Variants in KCTD16 observed in about 807,000 individuals in gnomAD.
KCTD16 encodes the protein BTB/POZ domain-containing protein KCTD16.
A neutral mutation model predicts 33.2 loss-of-function variants in KCTD16; 13 were observed. The ratio of observed to expected loss-of-function variants is 0.39; its 90% CI spans 0.25 to 0.62. KCTD16 has a LOEUF of 0.62. Among genes scored for constraint, KCTD16 ranks in the 20% least tolerant of loss-of-function variants. KCTD16 has a pLI of 0.50. For synonymous variants in KCTD16, 197 were observed against 195.3 expected (o/e 1.01, Z -0.07); for missense variants, 441 against 525.1 (o/e 0.84, Z 1.57).
chr5:144,330,823 G>A (rs945667762), intron 3 of KCTD16, among the ~76,000 whole-genome samples: 2 of 152,268 alleles, frequency 1.3e-5, no homozygotes, highest in Admixed American at 6.5e-5. Flanking sequence ...GTGTGATCCC[G>A]AAGCACACAG....
chr5:144,193,555 A>G (rs1752885608), intron 2 of KCTD16, among the ~76,000 whole-genome samples: 1 of 151,794 alleles, frequency 6.6e-6, no homozygotes, highest in African/African-American at 2.4e-5. Flanking sequence ...TATTTTATTC[A>G]TAGCTCATTT....
chr5:144,462,009 T>A (rs146109766), intron 3 of KCTD16, among the ~76,000 whole-genome samples: 1 of 152,222 alleles, frequency 6.6e-6, no homozygotes, highest in African/African-American at 2.4e-5. Context: ...TGTTTTCTTA[T>A]AATACTATTC....
intron 3 of KCTD16, among the ~76,000 whole-genome samples, chr5:144,299,104 A>ATATATATATATATATCACTATG (rs1756145346): frequency 1.1e-4 from 1 of 8,984 alleles, no homozygotes; most frequent in Admixed American, 1.3e-3. Context: ...ATGTATATAT[A>ATATATATATATATATCACTATG]TATATATATA....
chr5:144,301,099 G>A (rs926070690), intron 3 of KCTD16, among the ~76,000 whole-genome samples: 1 of 152,002 alleles, frequency 6.6e-6, no homozygotes, highest in African/African-American at 2.4e-5. Context: ...AAATTAGCTG[G>A]GTGTGGTGGT....
At chr5:144,347,947 C>T (rs1328557753) in intron 3 of KCTD16, among the ~76,000 whole-genome samples, 4 of 152,144 alleles carry the variant, frequency 2.6e-5, no homozygotes, top group Non-Finnish European at 5.9e-5. Context: ...GTCCTAGTGC[C>T]TCCAGCCGCA....
intron 3 of KCTD16, among the ~76,000 whole-genome samples, chr5:144,286,026 A>G (rs955849873): frequency 1.9e-4 from 29 of 148,756 alleles, no homozygotes; most frequent in African/African-American, 7.0e-4. Context: ...TATTTTTGGC[A>G]GGAAAGTTTT....
At chr5:144,257,931 GC>G (rs1390890268) in intron 3 of KCTD16, among the ~76,000 whole-genome samples, 2 of 152,066 alleles carry the variant, frequency 1.3e-5, no homozygotes, top group East Asian at 3.9e-4. Context: ...ATTGCCTGAA[GC>G]TTTTTCGATA....
At chr5:144,461,169 A>G (rs1048191672) in intron 3 of KCTD16, among the ~76,000 whole-genome samples, 6 of 152,204 alleles carry the variant, frequency 3.9e-5, no homozygotes, top group Admixed American at 3.9e-4. Flanking sequence ...GCTGCTCTAT[A>G]TAATTGCATG....
chr5:144,230,178 A>G (rs997543432), intron 3 of KCTD16, among the ~76,000 whole-genome samples: 12 of 152,174 alleles, frequency 7.9e-5, no homozygotes, highest in African/African-American at 2.4e-4. Context: ...AGTGCATTGC[A>G]CTGTTTAATG....
Position 144,477,537 on chromosome 5 carries a change from G to A in KCTD16, c.*3423G>A, listed in dbSNP as rs1754621094. 1 of 152,078 alleles carries A rather than the reference G, an allele frequency of 6.6e-6. No individual in the cohort carries two copies. Among genetic ancestry groups the A allele is most frequent in the Non-Finnish European group, 1.5e-5 (1 of 68,004 alleles). 9.4% of individuals were successfully genotyped at this position (152,078 alleles called of 1,614,324 possible). A position where few individuals can be genotyped will look rare whatever the true frequency, so the allele number is the denominator to read the frequency against. On this transcript the variant is annotated 3_prime_UTR_variant, in exon 4 of 4. Coordinates refer to ENST00000512467, the MANE Select transcript of KCTD16 (RefSeq NM_020768.4). The stretch of plus-strand genomic sequence containing the variant: ...AGAGGAATCTTTATCCATAGGCACA[G>A]GTGTGTTGCTTGTTCTGGGCCCCAT...
intron 3 of KCTD16, among the ~76,000 whole-genome samples, chr5:144,284,646 A>G (rs745363893): frequency 2.6e-5 from 4 of 152,206 alleles, no homozygotes; most frequent in Non-Finnish European, 5.9e-5. Flanking sequence ...GCTACCTGCT[A>G]TATTTTGTTA....
At chr5:144,280,749 C>T (rs1207413826) in intron 3 of KCTD16, among the ~76,000 whole-genome samples, 1 of 152,160 alleles carries the variant, frequency 6.6e-6, no homozygotes, top group Non-Finnish European at 1.5e-5. Context: ...ATGGTGAAAC[C>T]CCATCTCTAC....
chr5:144,463,035 CCT>C (rs1340848367), intron 3 of KCTD16, among the ~76,000 whole-genome samples: 2 of 152,026 alleles, frequency 1.3e-5, no homozygotes, highest in African/African-American at 2.4e-5. Flanking sequence ...CAATTTATCC[CCT>C]CTTTTAAAAA....
At chr5:144,267,403 T>C (rs934813439) in intron 3 of KCTD16, among the ~76,000 whole-genome samples, 2 of 152,174 alleles carry the variant, frequency 1.3e-5, no homozygotes, top group African/African-American at 4.8e-5. Flanking sequence ...GACTGGGGCA[T>C]GGGAAGCACT....
chr5:144,396,114 GAAA>G (rs1752562542), intron 3 of KCTD16, among the ~76,000 whole-genome samples: 1 of 152,072 alleles, frequency 6.6e-6, no homozygotes, highest in African/African-American at 2.4e-5. Flanking sequence ...GAGAAAATGG[GAAA>G]TCAGACCCAT....
At chr5:144,311,943 TTTC>T (rs1292432469) in intron 3 of KCTD16, among the ~76,000 whole-genome samples, 1 of 151,980 alleles carries the variant, frequency 6.6e-6, no homozygotes, top group Non-Finnish European at 1.5e-5. Flanking sequence ...TAAAAGGTGA[TTTC>T]TTTTTTTTTT....
chr5:144,469,181 A>G (rs957399905), intron 3 of KCTD16, among the ~76,000 whole-genome samples: 1 of 152,204 alleles, frequency 6.6e-6, no homozygotes, highest in Non-Finnish European at 1.5e-5. Context: ...TTTTCAAGTC[A>G]ATCTTTATCC....
chr5:144,251,250 G>T (rs978339093), intron 3 of KCTD16, among the ~76,000 whole-genome samples: 7 of 152,120 alleles, frequency 4.6e-5, no homozygotes, highest in African/African-American at 1.7e-4. Context: ...GGTAGTAGGG[G>T]GTGGTGTGTT....
intron 3 of KCTD16, among the ~76,000 whole-genome samples, chr5:144,288,650 C>T (rs1367830890): frequency 6.6e-6 from 1 of 152,146 alleles, no homozygotes; most frequent in Non-Finnish European, 1.5e-5. Flanking sequence ...TTTATTTCTG[C>T]AGTAAGTTAC....
Sources: gnomAD v4.1 joint callset for allele counts (sites outside exome capture counted in the v4.1 genomes callset) on GRCh38, gnomAD v4.1.1 for gene constraint, MANE v1.5 for transcripts, NCBI Gene and HGNC (gene_info 2026-07-23, HGNC 2026-07-21) for gene names.